The following SRPK2 variants were observed in gnomAD, a reference collection of about 807,000 sequenced individuals.
SRPK2 encodes SRSF protein kinase 2.
Under a neutral mutation model 90.8 loss-of-function variants are expected in SRPK2, and 21 were observed. The observed-to-expected ratio is 0.23, with a 90% CI of 0.16 to 0.33. The LOEUF is 0.33. Ranked by LOEUF, SRPK2 falls within the 10% of genes least tolerant of loss-of-function variation. The probability of loss-of-function intolerance (pLI) is 1.00; values close to 1 mark genes in which losing one functional copy is unlikely to be tolerated. For synonymous variants in SRPK2, 288 were observed against 311.1 expected, an observed-to-expected ratio of 0.93 and a Z score of 0.78; for missense variants, 620 against 869.0, an observed-to-expected ratio of 0.71 and a Z score of 3.60.
intron 2 of SRPK2, among the ~76,000 whole-genome samples, chr7:105,330,495 A>G (rs1814182498): frequency 6.6e-6 from 1 of 152,166 alleles, no homozygotes; most frequent in Non-Finnish European, 1.5e-5. Flanking sequence ...GGAGTAGCAA[A>G]CATTAACAAC....
At chr7:105,353,715 C>T (rs1817479226) in intron 2 of SRPK2, among the ~76,000 whole-genome samples, 1 of 152,140 alleles carries the variant, frequency 6.6e-6, no homozygotes, top group African/African-American at 2.4e-5. Context: ...AACAGAAAAA[C>T]ACTTTCCTTC....
chr7:105,334,595 TG>T (rs1814839754), intron 2 of SRPK2, among the ~76,000 whole-genome samples: 1 of 151,914 alleles, frequency 6.6e-6, no homozygotes, highest in African/African-American at 2.4e-5. Context: ...CCCAGTACTT[TG>T]GGAAGCTGAG....
chr7:105,134,053 C>G (rs1311379802), intron 11 of SRPK2, among the ~76,000 whole-genome samples: 1 of 152,124 alleles, frequency 6.6e-6, no homozygotes. Context: ...GATCAGATTT[C>G]TGGTAAAGAT....
intron 2 of SRPK2, among the ~76,000 whole-genome samples, chr7:105,208,178 A>C (rs1426523322): frequency 6.6e-6 from 1 of 152,218 alleles, no homozygotes; most frequent in Non-Finnish European, 1.5e-5. Flanking sequence ...AAGGATCTTC[A>C]AACATTGTTG....
At chr7:105,274,867 G>A (rs1042493513) in intron 2 of SRPK2, among the ~76,000 whole-genome samples, 5 of 150,674 alleles carry the variant, frequency 3.3e-5, no homozygotes, top group African/African-American at 7.3e-5. Flanking sequence ...CTTCTTCCTC[G>A]GTAATACTTG....
chr7:105,271,604 A>C (rs1323476692), intron 2 of SRPK2, among the ~76,000 whole-genome samples: 1 of 152,166 alleles, frequency 6.6e-6, no homozygotes. Context: ...ATTCCACCAC[A>C]ACACCTGCCA....
Position 105,126,253 on chromosome 7 carries a change from C to T in SRPK2, c.1910G>A (p.Arg637His), listed in dbSNP as rs1468321619. Residue 637 changes from arginine to histidine, a missense_variant, in exon 15 of 16, where the codon CGC (arginine) becomes CAC (histidine). Transcript: ENST00000393651. ...SGKYSREFFN[R>H]RGELRHITKL... The stretch of plus-strand genomic sequence containing the variant: ...TCAAAAAGAAGAGGTACTACCTCTG[C>T]GATTGAAGAATTCCCGAGAATATTT... The T allele has an allele frequency of 1.2e-6, 2 of 1,612,212 alleles. No homozygotes were observed. Among genetic ancestry groups the T allele is most frequent in the Non-Finnish European group, 1.7e-6 (2 of 1,178,364 alleles).
chr7:105,330,622 C>G (rs747946216), intron 2 of SRPK2, among the ~76,000 whole-genome samples: 86 of 152,216 alleles, frequency 5.6e-4, no homozygotes, highest in Non-Finnish European at 1.1e-3. Context: ...AAAAGGGCAT[C>G]CATACTTTAC....
At chr7:105,211,462 T>C (rs1796848035) in intron 2 of SRPK2, among the ~76,000 whole-genome samples, 1 of 152,274 alleles carries the variant, frequency 6.6e-6, no homozygotes, top group South Asian at 2.1e-4. Context: ...GATGCTGGCA[T>C]CTGCTAAGCT....
chr7:105,243,776 T>C (rs561654694), intron 2 of SRPK2, among the ~76,000 whole-genome samples: 3 of 152,282 alleles, frequency 2.0e-5, no homozygotes, highest in East Asian at 3.9e-4. Flanking sequence ...AAAGATGTTA[T>C]TATCTCTAAA....
At chr7:105,272,060 G>A (rs1197273505) in intron 2 of SRPK2, among the ~76,000 whole-genome samples, 1 of 152,088 alleles carries the variant, frequency 6.6e-6, no homozygotes, top group Non-Finnish European at 1.5e-5. Context: ...TAGAGATCCA[G>A]TCTGCTTTTA....
chr7:105,227,544 C>T (rs959506614), intron 2 of SRPK2, among the ~76,000 whole-genome samples: 1 of 152,128 alleles, frequency 6.6e-6, no homozygotes, highest in Non-Finnish European at 1.5e-5. Flanking sequence ...CACTTCATGT[C>T]CAGTAGGATA....
chr7:105,144,541 T>G (rs535855489), intron 9 of SRPK2, among the ~76,000 whole-genome samples: 1 of 152,120 alleles, frequency 6.6e-6, no homozygotes, highest in Admixed American at 6.6e-5. Flanking sequence ...ACACCCAGTA[T>G]CTAATAAGGA....
intron 7 of SRPK2, among the ~76,000 whole-genome samples, chr7:105,154,044 A>G (rs1372236615): frequency 1.3e-5 from 2 of 152,242 alleles, no homozygotes; most frequent in African/African-American, 4.8e-5. Context: ...AAAGAGGACA[A>G]GAGCCAGAGA....
chr7:105,116,729 G>A lies in SRPK2; in HGVS notation c.*1109C>T, dbSNP rs559828816. ...AAGGGAAAATCATTTTCTCAACTTC[G>A]TTTCATGGAAAGACAATGAAAAAGC... On this transcript the variant is annotated 3_prime_UTR_variant, in exon 16 of 16. Transcript: ENST00000393651. 6 of 152,588 alleles carry A rather than the reference G, an allele frequency of 3.9e-5. No individual in the cohort carries two copies. Among genetic ancestry groups the A allele is most frequent in the African/African-American group, 1.2e-4 (5 of 41,516 alleles). 9.5% of individuals were successfully genotyped at this position (152,588 alleles called of 1,614,324 possible).
At chr7:105,387,896 G>C (rs1489486305) in intron 2 of SRPK2, among the ~76,000 whole-genome samples, 3 of 152,218 alleles carry the variant, frequency 2.0e-5, no homozygotes, top group Non-Finnish European at 4.4e-5. Flanking sequence ...TGAGCGGCCA[G>C]GCTGGAGGTG....
At chr7:105,141,863 C>A in intron 11 of SRPK2, 145 bp downstream of exon 11, 1 of 841,476 alleles carries the variant, frequency 1.2e-6, no homozygotes, top group Non-Finnish European at 1.8e-6. Context: ...AATCACATTA[C>A]TTCTTCAGGA....
intron 11 of SRPK2, among the ~76,000 whole-genome samples, chr7:105,140,156 G>GT (rs1562973872): frequency 6.6e-6 from 1 of 151,978 alleles, no homozygotes; most frequent in Non-Finnish European, 1.5e-5. Flanking sequence ...TAAAGACACA[G>GT]TTTTTTTTCC....
chr7:105,323,261 T>C (rs1430061737), intron 2 of SRPK2, among the ~76,000 whole-genome samples: 4 of 152,128 alleles, frequency 2.6e-5, no homozygotes, highest in African/African-American at 9.7e-5. Flanking sequence ...AATTTTATGC[T>C]AGAGACAAAA....
Sources: gnomAD v4.1 joint callset for allele counts (sites outside exome capture counted in the v4.1 genomes callset) on GRCh38, gnomAD v4.1.1 for gene constraint, MANE v1.5 for transcripts, NCBI Gene and HGNC (gene_info 2026-07-23, HGNC 2026-07-21) for gene names.